ATXN7L1: variants seen among roughly 807,000 people sequenced by gnomAD.
ATXN7L1 encodes ataxin 7 like 1.
A neutral mutation model predicts 70.8 loss-of-function variants in ATXN7L1; 15 were observed. That is an observed-to-expected ratio of 0.21 (90% CI 0.14 to 0.33). The LOEUF (loss-of-function observed/expected upper bound fraction) is 0.33. ATXN7L1 is among the 10% of genes least tolerant of loss of function. ATXN7L1 has a pLI of 1.00. For missense variants in ATXN7L1, 975 were observed against 1,097.1 expected (o/e 0.89, Z 1.57); for synonymous variants, 440 against 445.1 (o/e 0.99, Z 0.14).
At chr7:105,712,142 C>T (rs1001206359) in intron 3 of ATXN7L1, among the ~76,000 whole-genome samples, 24 of 152,344 alleles carry the variant, frequency 1.6e-4, no homozygotes, top group Admixed American at 5.9e-4. Flanking sequence ...GGAGCTGGAG[C>T]GGCTAGGATG....
chr7:105,703,085 C>T (rs1001137681), intron 3 of ATXN7L1, among the ~76,000 whole-genome samples: 1 of 152,108 alleles, frequency 6.6e-6, no homozygotes, highest in African/African-American at 2.4e-5. Flanking sequence ...CACTGCACTC[C>T]AGCCTGGGCA....
intron 2 of ATXN7L1, among the ~76,000 whole-genome samples, chr7:105,848,701 C>T (rs1324913235): frequency 2.6e-5 from 4 of 152,152 alleles, no homozygotes; most frequent in Non-Finnish European, 5.9e-5. Context: ...TGATGTGCAT[C>T]TTCTACAGTG....
chr7:105,609,263 G>A (rs544128439), intron 11 of ATXN7L1, among the ~76,000 whole-genome samples: 8 of 151,478 alleles, frequency 5.3e-5, no homozygotes, highest in Admixed American at 2.0e-4. Flanking sequence ...TCCATCTCCC[G>A]GGTTCAAGTG....
intron 3 of ATXN7L1, among the ~76,000 whole-genome samples, chr7:105,700,390 C>G (rs1034338095): frequency 6.6e-6 from 1 of 151,338 alleles, no homozygotes; most frequent in Non-Finnish European, 1.5e-5. Flanking sequence ...TCCTGTTGTC[C>G]CAGCTACTTA....
chr7:105,694,763 C>T (rs1050655402), intron 3 of ATXN7L1, among the ~76,000 whole-genome samples: 2 of 152,194 alleles, frequency 1.3e-5, no homozygotes, highest in Non-Finnish European at 2.9e-5. Context: ...CCTAGGTCTT[C>T]CAACTCCTGG....
intron 3 of ATXN7L1, among the ~76,000 whole-genome samples, chr7:105,748,436 T>A (rs1798830138): frequency 6.6e-6 from 1 of 152,172 alleles, no homozygotes; most frequent in African/African-American, 2.4e-5. Flanking sequence ...GATCCGACCA[T>A]CTTAGGGATC....
Position 105,614,612 on chromosome 7 carries a change from C to T in ATXN7L1, c.1722G>A (p.Pro574=), listed in dbSNP as rs773671138. 1.5e-5 allele frequency: 23 copies of T among 1,551,478 alleles called. No homozygotes were observed. Among genetic ancestry groups the T allele is most frequent in the South Asian group, 6.0e-5 (5 of 84,024 alleles). Reference sequence around the variant, plus strand: ...CTGTGGTGTGGGACATGAGGGCGCTCGGGTCCGGCGATGTCACGAAAGCTG... The same window carrying T: ...CTGTGGTGTGGGACATGAGGGCGCTTGGGTCCGGCGATGTCACGAAAGCTG... ...SNAAFVTSPD[P]SALMSHTTAF... The change falls in exon 10 of 12, where the codon CCG becomes CCA. Residue 574 remains proline, a synonymous_variant. Coordinates refer to ENST00000419735, the MANE Select transcript of ATXN7L1 (RefSeq NM_020725.2). The surrounding 1 kb of genome is among the most constrained non-coding windows in gnomAD (Gnocchi z 4.3).
chr7:105,618,529 T>C (rs937075461), intron 9 of ATXN7L1, among the ~76,000 whole-genome samples: 2 of 152,162 alleles, frequency 1.3e-5, no homozygotes, highest in African/African-American at 4.8e-5. Context: ...GGAAGCTCTT[T>C]AGGCTTCCAG....
chr7:105,668,788 T>C (rs510034), intron 3 of ATXN7L1, among the ~76,000 whole-genome samples: 132,183 of 152,098 alleles, frequency 0.87, 57,575 homozygotes, highest in Middle Eastern at 0.93. Context: ...CCTATAATCC[T>C]GGCACTTTGG....
In ATXN7L1 at chr7:105,870,957, T is replaced by C. The variant is rs1255840654; in HGVS notation, c.250+4855A>G. 3.3e-5 allele frequency among the ~76,000 whole-genome samples: 5 copies of C among 152,184 alleles called. No homozygotes were observed. In the East Asian group the frequency reaches 9.6e-4, roughly 29 times the overall value. ...CTGAAGGCCAAATACCATTCACAAA[T>C]GATTTGCAGCAGAATATTGCTTGTG... On this transcript the variant is annotated intron_variant, in intron 2 of 11. Coordinates refer to ENST00000419735, the MANE Select transcript of ATXN7L1 (RefSeq NM_020725.2).
chr7:105,785,507 A>G (rs1804165366), intron 3 of ATXN7L1, among the ~76,000 whole-genome samples: 1 of 152,212 alleles, frequency 6.6e-6, no homozygotes, highest in Admixed American at 6.5e-5. Flanking sequence ...ACAGATATGG[A>G]AAGCACTTGG....
intron 3 of ATXN7L1, among the ~76,000 whole-genome samples, chr7:105,777,216 T>C (rs139702468): frequency 0.012 from 1,896 of 152,116 alleles, 21 homozygotes; most frequent in Non-Finnish European, 0.02. Context: ...GACGATTGAG[T>C]TGGGTGGCAG....
At chr7:105,658,680 G>A (rs765772705) in intron 4 of ATXN7L1, among the ~76,000 whole-genome samples, 67 of 151,980 alleles carry the variant, frequency 4.4e-4, no homozygotes, top group Middle Eastern at 3.4e-3. Context: ...ACAGGCATGC[G>A]CCACCATGCC....
At chr7:105,623,728 C>T (rs1795263961) in intron 8 of ATXN7L1, among the ~76,000 whole-genome samples, 1 of 152,192 alleles carries the variant, frequency 6.6e-6, no homozygotes, top group Non-Finnish European at 1.5e-5. Context: ...TTTAGATGGA[C>T]AAGGCCAGAG....
At chr7:105,770,447 C>G (rs2116437312) in intron 3 of ATXN7L1, among the ~76,000 whole-genome samples, 1 of 152,304 alleles carries the variant, frequency 6.6e-6, no homozygotes, top group African/African-American at 2.4e-5. Flanking sequence ...AAAAGCTTGT[C>G]TTAAACATAA....
chr7:105,786,155 GTCCCC>G (rs1563091228), intron 3 of ATXN7L1, among the ~76,000 whole-genome samples: 2 of 152,210 alleles, frequency 1.3e-5, no homozygotes, highest in African/African-American at 4.8e-5. Flanking sequence ...TTGTGATCAT[GTCCCC>G]ATTGCTGCTT....
rs1360364213 is a variant in ATXN7L1, at chr7:105,638,206, T to G, written c.1202+147A>C. ...CACTGGGCTGGGCCTCTTATGTACATTATCTCATTTAAACTTTACTACTTG... is the reference window on the plus strand; with the variant it reads ...CACTGGGCTGGGCCTCTTATGTACAGTATCTCATTTAAACTTTACTACTTG... On this transcript the variant is annotated intron_variant, in intron 7 of 11. Transcript: ENST00000419735. The G allele has an allele frequency of 2.1e-5, 24 of 1,153,650 alleles. No homozygotes were observed. In the East Asian group the frequency reaches 6.0e-4, roughly 29 times the overall value. 71.5% of individuals were successfully genotyped at this position (1,153,650 alleles called of 1,614,324 possible).
chr7:105,827,948 T>C (rs1424271986), intron 2 of ATXN7L1, among the ~76,000 whole-genome samples: 1 of 152,200 alleles, frequency 6.6e-6, no homozygotes, highest in Non-Finnish European at 1.5e-5. Context: ...TAAATAGTCA[T>C]ATGTCAGTTC....
At chr7:105,670,482 G>C (rs766776969) in intron 3 of ATXN7L1, among the ~76,000 whole-genome samples, 1 of 152,124 alleles carries the variant, frequency 6.6e-6, no homozygotes, top group Non-Finnish European at 1.5e-5. Flanking sequence ...AATGCATATA[G>C]CTTTATTAAG....
Sources: allele counts gnomAD v4.1 joint callset (sites outside exome capture counted in the v4.1 genomes callset), GRCh38; gene constraint gnomAD v4.1.1; non-coding constraint Gnocchi (gnomAD v3.1); transcripts MANE v1.5; gene names NCBI Gene and HGNC (gene_info 2026-07-23, HGNC 2026-07-21).